Variants in CUX2 observed in about 807,000 individuals in gnomAD.
CUX2 encodes the protein homeobox protein cut-like 2.
CUX2 carries 40 observed loss-of-function variants against 144.8 expected under a neutral mutation model. That is an observed-to-expected ratio of 0.28 (90% CI 0.21 to 0.36). The LOEUF (loss-of-function observed/expected upper bound fraction) is 0.36, where lower values mean the gene tolerates loss of function less well. CUX2 is among the 10% of genes least tolerant of loss of function. The pLI, the probability that CUX2 is intolerant of heterozygous loss-of-function variation, is 1.00. For missense variants in CUX2, 1,615 were observed against 1,994.0 expected, an observed-to-expected ratio of 0.81 and a Z score of 3.62; for synonymous variants, 827 against 875.6, an observed-to-expected ratio of 0.94 and a Z score of 0.98.
At chr12:111,087,050 C>A (rs1872266299) in intron 1 of CUX2, among the ~76,000 whole-genome samples, 1 of 152,070 alleles carries the variant, frequency 6.6e-6, no homozygotes, top group South Asian at 2.1e-4. Flanking sequence ...TCTACCGTAA[C>A]AAGGGACTTA....
chr12:111,317,956 C>T (rs1237191193), intron 16 of CUX2, among the ~76,000 whole-genome samples: 1 of 152,020 alleles, frequency 6.6e-6, no homozygotes, highest in Non-Finnish European at 1.5e-5. Flanking sequence ...GCTGAGATCA[C>T]GCCACTGCAC....
chr12:111,111,372 A>G (rs998578691), intron 1 of CUX2, among the ~76,000 whole-genome samples: 1 of 151,920 alleles, frequency 6.6e-6, no homozygotes, highest in Non-Finnish European at 1.5e-5. Flanking sequence ...TCCCAACCCT[A>G]TCCAGCGCTA....
At chr12:111,227,187 C>T (rs1882196036) in intron 3 of CUX2, among the ~76,000 whole-genome samples, 1 of 152,218 alleles carries the variant, frequency 6.6e-6, no homozygotes, top group Non-Finnish European at 1.5e-5. Context: ...GTGAACATTA[C>T]TATTTACTCA....
At chr12:111,223,319 G>A (rs969415287) in intron 3 of CUX2, among the ~76,000 whole-genome samples, 4 of 152,144 alleles carry the variant, frequency 2.6e-5, no homozygotes, top group Non-Finnish European at 4.4e-5. Flanking sequence ...GGAGGCCGTC[G>A]GTTCCATCCC....
chr12:111,183,523 A>G (rs1442185943), intron 1 of CUX2, among the ~76,000 whole-genome samples: 2 of 152,236 alleles, frequency 1.3e-5, no homozygotes, highest in Non-Finnish European at 1.5e-5. Flanking sequence ...TGGGAGCCAG[A>G]TTGCTTCGAG....
At chr12:111,242,351 A>G (rs1432391022) in intron 3 of CUX2, among the ~76,000 whole-genome samples, 3 of 152,254 alleles carry the variant, frequency 2.0e-5, no homozygotes, top group Non-Finnish European at 4.4e-5. Context: ...GGCCAAATAA[A>G]GTTTTATTGG....
intron 4 of CUX2, among the ~76,000 whole-genome samples, chr12:111,279,939 G>A (rs577060077): frequency 1.1e-3 from 167 of 152,086 alleles, no homozygotes; most frequent in Non-Finnish European, 1.6e-3. Context: ...CCGAGATTGC[G>A]CCACTGCACT....
Position 111,347,929 on chromosome 12 carries a change from C to A in CUX2, c.4065C>A (p.Thr1355=). ...GGCCCCTCCTTCCAGGTGGATCCAC[C>A]CCAGACTGTCCCTCACTTCATCCCC... is the stretch of plus-strand genomic sequence containing the variant. ...APGPLLPGGS[T]PDCPSLHPQQ... is the part of the protein sequence containing the mutation. The change falls in exon 22 of 22, where the codon ACC becomes ACA. Residue 1355 remains threonine, a synonymous_variant. Coordinates refer to ENST00000261726, the MANE Select transcript of CUX2 (RefSeq NM_015267.4). 6.2e-7 allele frequency: 1 copy of A among 1,614,130 alleles called. No individual in the cohort carries two copies.
chr12:111,218,813 A>G (rs1377312785), intron 3 of CUX2, among the ~76,000 whole-genome samples: 5 of 152,164 alleles, frequency 3.3e-5, no homozygotes, highest in Non-Finnish European at 7.3e-5. Context: ...TCCTCAGTAA[A>G]TAATTTCTCT....
chr12:111,146,905 G>A (rs1199299450), intron 1 of CUX2, among the ~76,000 whole-genome samples: 1 of 152,150 alleles, frequency 6.6e-6, no homozygotes, highest in Non-Finnish European at 1.5e-5. Context: ...AGGTTGAGGT[G>A]GGCAGGTCAC....
At chr12:111,213,876 T>C (rs1223259255) in intron 1 of CUX2, among the ~76,000 whole-genome samples, 1 of 151,708 alleles carries the variant, frequency 6.6e-6, no homozygotes, top group Non-Finnish European at 1.5e-5. Flanking sequence ...CATCACTCCT[T>C]TGGAAATTTA....
At chr12:111,083,183 G>A (rs953014098) in intron 1 of CUX2, among the ~76,000 whole-genome samples, 1 of 152,088 alleles carries the variant, frequency 6.6e-6, no homozygotes, top group Non-Finnish European at 1.5e-5. Flanking sequence ...CAAGAACCAC[G>A]GTACCACCTT....
At chr12:111,343,223 C>T (rs1888653556) in intron 21 of CUX2, among the ~76,000 whole-genome samples, 3 of 152,204 alleles carry the variant, frequency 2.0e-5, no homozygotes, top group Admixed American at 1.3e-4. Flanking sequence ...GGCTCCACCA[C>T]CTCAGAGAGT....
At chr12:111,109,414 T>C (rs1592903749) in intron 1 of CUX2, among the ~76,000 whole-genome samples, 1 of 152,254 alleles carries the variant, frequency 6.6e-6, no homozygotes, top group East Asian at 1.9e-4. Flanking sequence ...GTAACAGAAG[T>C]GTCTTAATCC....
intron 1 of CUX2, chr12:111,100,207 G>A: frequency 2.7e-6 from 1 of 372,376 alleles, no homozygotes; most frequent in East Asian, 7.3e-5. Context: ...GTGTGTATGT[G>A]TGTGTGTGCT....
At chr12:111,257,583 C>A (rs1883898389) in intron 3 of CUX2, among the ~76,000 whole-genome samples, 1 of 115,446 alleles carries the variant, frequency 8.7e-6, no homozygotes, top group East Asian at 2.5e-4. Flanking sequence ...CCTCCTCTTT[C>A]CTCTCCCTCC....
intron 9 of CUX2, among the ~76,000 whole-genome samples, chr12:111,301,078 A>G (rs1365763831): frequency 6.6e-6 from 1 of 151,672 alleles, no homozygotes; most frequent in Non-Finnish European, 1.5e-5. Flanking sequence ...AGTACTTGGA[A>G]TAGGAAGCAC....
intron 1 of CUX2, among the ~76,000 whole-genome samples, chr12:111,060,855 G>T (rs1251874948): frequency 1.3e-5 from 2 of 152,190 alleles, no homozygotes; most frequent in African/African-American, 4.8e-5. Context: ...AAGCAGAAAC[G>T]GAAGCCTTAG....
intron 3 of CUX2, among the ~76,000 whole-genome samples, chr12:111,239,643 A>G (rs1592870287): frequency 6.6e-6 from 1 of 152,208 alleles, no homozygotes; most frequent in East Asian, 1.9e-4. Context: ...GCTGGTGGCA[A>G]TCTTTTCATC....
Sources: allele counts gnomAD v4.1 joint callset (sites outside exome capture counted in the v4.1 genomes callset), GRCh38; gene constraint gnomAD v4.1.1; transcripts MANE v1.5; gene names NCBI Gene and HGNC (gene_info 2026-07-23, HGNC 2026-07-21).